CLSTN2: variants seen among roughly 807,000 people sequenced by gnomAD.
CLSTN2 encodes the protein calsyntenin 2, also known as calsyntenin-2.
In CLSTN2, 48 loss-of-function variants were observed where a neutral mutation model predicts 101.2. The ratio of observed to expected loss-of-function variants is 0.47; its 90% CI spans 0.38 to 0.60. CLSTN2 has a LOEUF of 0.60. Among genes scored for constraint, CLSTN2 ranks in the 20% least tolerant of loss-of-function variants. CLSTN2 has a pLI of 0.00. For missense variants in CLSTN2, 1,160 were observed against 1,238.2 expected, an observed-to-expected ratio of 0.94 and a Z score of 0.95; for synonymous variants, 481 against 463.6, an observed-to-expected ratio of 1.04 and a Z score of -0.48.
rs1007096017 is a variant in CLSTN2, at chr3:140,574,918, G to A, written c.*8665G>A. Reference sequence around the variant, plus strand: ...CAGAAGGATTCATAAGGGCCTCTGTGAGGAGGGCCTTGCTTGTGCCTGTGG... The same window carrying A: ...CAGAAGGATTCATAAGGGCCTCTGTAAGGAGGGCCTTGCTTGTGCCTGTGG... On this transcript the variant is annotated 3_prime_UTR_variant, in exon 17 of 17. Coordinates refer to ENST00000458420, the MANE Select transcript of CLSTN2 (RefSeq NM_022131.3). 4 of 152,214 alleles carry A rather than the reference G, an allele frequency of 2.6e-5. No homozygotes were observed. The highest frequency in any genetic ancestry group is 5.9e-5 in the Non-Finnish European group (4 of 68,040). The allele number at this position is 152,214 out of a possible 1,614,324, so 9.4% of individuals were successfully genotyped here.
At chr3:140,141,117 T>C (rs959848152) in intron 1 of CLSTN2, among the ~76,000 whole-genome samples, 1 of 152,186 alleles carries the variant, frequency 6.6e-6, no homozygotes, top group African/African-American at 2.4e-5. Flanking sequence ...AAGGACATAA[T>C]GAAAGCAGAG....
chr3:140,050,077 G>A (rs1342246079), intron 1 of CLSTN2, among the ~76,000 whole-genome samples: 1 of 152,228 alleles, frequency 6.6e-6, no homozygotes, highest in South Asian at 2.1e-4. Flanking sequence ...GAGTATCAAG[G>A]ATTACATGAG....
At chr3:140,410,079 C>A (rs1172042282) in intron 4 of CLSTN2, among the ~76,000 whole-genome samples, 2 of 151,958 alleles carry the variant, frequency 1.3e-5, no homozygotes, top group Admixed American at 1.3e-4. Context: ...AGCTTATATT[C>A]ATGTTTTGGG....
intron 2 of CLSTN2, among the ~76,000 whole-genome samples, chr3:140,372,852 G>A (rs188836836): frequency 3.4e-4 from 52 of 152,276 alleles, no homozygotes; most frequent in African/African-American, 1.2e-3. Context: ...GCCAAGGTGG[G>A]AGGATGGTTT....
chr3:140,289,260 C>CT (rs954359268), intron 2 of CLSTN2, among the ~76,000 whole-genome samples: 12 of 151,792 alleles, frequency 7.9e-5, no homozygotes, highest in African/African-American at 2.9e-4. Flanking sequence ...GGTCACACAG[C>CT]TAAAAAGTGG....
At chr3:140,033,430 C>G (rs2007595574) in intron 1 of CLSTN2, among the ~76,000 whole-genome samples, 1 of 152,202 alleles carries the variant, frequency 6.6e-6, no homozygotes, top group African/African-American at 2.4e-5. Flanking sequence ...AGGCATGATT[C>G]TTTGTTTTTC....
intron 1 of CLSTN2, among the ~76,000 whole-genome samples, chr3:139,988,194 G>C (rs1315403455): frequency 6.6e-6 from 1 of 152,204 alleles, no homozygotes; most frequent in African/African-American, 2.4e-5. Context: ...GGGAAGCTCT[G>C]ACTTGGTGCT....
intron 1 of CLSTN2, among the ~76,000 whole-genome samples, chr3:139,970,917 T>C (rs963538651): frequency 6.6e-6 from 1 of 152,204 alleles, no homozygotes; most frequent in African/African-American, 2.4e-5. Flanking sequence ...CTTTGCCCCA[T>C]GTCAGTGCAT....
chr3:140,022,907 C>A (rs1172994371), intron 1 of CLSTN2, among the ~76,000 whole-genome samples: 3 of 152,174 alleles, frequency 2.0e-5, no homozygotes, highest in South Asian at 2.1e-4. Context: ...CCTGTGCGAG[C>A]CCCTCCCAGG....
intron 9 of CLSTN2, among the ~76,000 whole-genome samples, chr3:140,535,047 G>A (rs1935332160): frequency 6.6e-6 from 1 of 152,162 alleles, no homozygotes; most frequent in Non-Finnish European, 1.5e-5. Context: ...CACTTGATGT[G>A]GAGACCTATA....
intron 2 of CLSTN2, among the ~76,000 whole-genome samples, chr3:140,189,541 A>C (rs1159639834): frequency 6.6e-6 from 1 of 152,200 alleles, no homozygotes. Context: ...CCACATGTAT[A>C]TCCTCTTCCA....
rs368062102 is a variant in CLSTN2 at position 140,279,524 on chromosome 3, C to G, written c.232+103451C>G. Among the ~76,000 whole-genome samples, 7 of 152,318 alleles carry G rather than the reference C, an allele frequency of 4.6e-5. No individual in the cohort carries two copies. The East Asian group carries it at 1.2e-3, about 25-fold the overall frequency. On this transcript the variant is annotated intron_variant, in intron 2 of 16. Transcript: ENST00000458420. ...TGAGCAGATGGCTATGTTCTTGAAA[C>G]CCCTGATTTGCTCTGCCAAGTGACC... is the stretch of plus-strand genomic sequence containing the variant.
chr3:140,186,553 G>T (rs2010488025), intron 2 of CLSTN2, among the ~76,000 whole-genome samples: 1 of 152,138 alleles, frequency 6.6e-6, no homozygotes, highest in Non-Finnish European at 1.5e-5. Context: ...TTCAGAGCTT[G>T]ATTTTATTAT....
chr3:140,431,545 A>G (rs943443142), intron 5 of CLSTN2, among the ~76,000 whole-genome samples: 1 of 152,092 alleles, frequency 6.6e-6, no homozygotes, highest in Non-Finnish European at 1.5e-5. Flanking sequence ...TCTCTTTCCT[A>G]TCTTTTTGAA....
rs1218601602 is a variant in CLSTN2 at position 140,567,362 on chromosome 3, A to T, written c.*1109A>T. The T allele has an allele frequency of 6.6e-6, 1 of 152,256 alleles. No individual in the cohort carries two copies. The highest frequency in any genetic ancestry group is 2.4e-5 in the African/African-American group (1 of 41,464). 9.4% of individuals were successfully genotyped at this position (152,256 alleles called of 1,614,324 possible). ...AACGCACGAGCTCCACCAAGTCTAC[A>T]ATGAAAGTTTGAAATTTAACTGCAA... On this transcript the variant is annotated 3_prime_UTR_variant, in exon 17 of 17. Coordinates refer to ENST00000458420, the MANE Select transcript of CLSTN2 (RefSeq NM_022131.3).
intron 8 of CLSTN2, chr3:140,507,216 A>G: frequency 6.6e-6 from 1 of 152,240 alleles, no homozygotes; most frequent in South Asian, 2.1e-4. Flanking sequence ...GAGGTAAGCC[A>G]GTGTTCTAAG....
intron 1 of CLSTN2, among the ~76,000 whole-genome samples, chr3:140,168,261 A>G (rs528691286): frequency 3.3e-5 from 5 of 152,136 alleles, no homozygotes; most frequent in African/African-American, 4.8e-5. Flanking sequence ...TTCAATTTAC[A>G]TGCCCCTAAT....
chr3:140,459,469 A>T (rs1487279053), intron 6 of CLSTN2, 52 bp from the exon 7 acceptor site: 2 of 1,600,894 alleles, frequency 1.2e-6, no homozygotes, highest in African/African-American at 1.3e-5. Context: ...CAGAAAACAG[A>T]TGAGGACACC....
At chr3:140,564,521 A>G (rs1311586432) in intron 16 of CLSTN2, among the ~76,000 whole-genome samples, 1 of 152,106 alleles carries the variant, frequency 6.6e-6, no homozygotes, top group East Asian at 1.9e-4. Flanking sequence ...AACAGTGCAA[A>G]TTAGATGGCT....
Sources: allele counts gnomAD v4.1 joint callset (sites outside exome capture counted in the v4.1 genomes callset), GRCh38; gene constraint gnomAD v4.1.1; transcripts MANE v1.5; gene names NCBI Gene and HGNC (gene_info 2026-07-23, HGNC 2026-07-21).